Variants in DOK5 observed in about 807,000 individuals in gnomAD.
DOK5 encodes the protein docking protein 5.
A neutral mutation model predicts 43.3 loss-of-function variants in DOK5; 27 were observed. The ratio of observed to expected loss-of-function variants is 0.62; its 90% CI spans 0.46 to 0.86. The LOEUF (loss-of-function observed/expected upper bound fraction) is 0.86, where lower values mean the gene tolerates loss of function less well. DOK5 is among the 40% of genes least tolerant of loss of function. The pLI is 0.00. For synonymous variants in DOK5, 146 were observed against 140.1 expected (o/e 1.04, Z -0.30); for missense variants, 373 against 392.9 (o/e 0.95, Z 0.43).
intron 1 of DOK5, among the ~76,000 whole-genome samples, chr20:54,497,342 T>C (rs1012301471): frequency 1.3e-5 from 2 of 152,370 alleles, no homozygotes; most frequent in East Asian, 1.9e-4. Context: ...CCATTTAAAA[T>C]GCCAATTTAA....
At chr20:54,517,798 C>T (rs553974522) in intron 1 of DOK5, among the ~76,000 whole-genome samples, 1 of 152,236 alleles carries the variant, frequency 6.6e-6, no homozygotes, top group Non-Finnish European at 1.5e-5. Context: ...ACAAAACAGA[C>T]CCCCAGGTAG....
At chr20:54,518,374 G>A (rs574714800) in intron 1 of DOK5, among the ~76,000 whole-genome samples, 81 of 151,902 alleles carry the variant, frequency 5.3e-4, no homozygotes, top group African/African-American at 1.9e-3. Flanking sequence ...AACATGTGGT[G>A]TTTGGTTTTT....
At chr20:54,603,323 G>A (rs1430970034) in intron 5 of DOK5, among the ~76,000 whole-genome samples, 1 of 152,188 alleles carries the variant, frequency 6.6e-6, no homozygotes, top group Non-Finnish European at 1.5e-5. Context: ...TACACACACG[G>A]GGCACTAGGA....
At chr20:54,610,004 T>G (rs150116788) in intron 5 of DOK5, among the ~76,000 whole-genome samples, 3 of 152,216 alleles carry the variant, frequency 2.0e-5, no homozygotes, top group Admixed American at 2.0e-4. Context: ...CAGTTTCTGA[T>G]GAGGAGCTAT....
intron 2 of DOK5, among the ~76,000 whole-genome samples, chr20:54,567,287 T>C (rs1457093593): frequency 1.3e-5 from 2 of 152,168 alleles, no homozygotes; most frequent in African/African-American, 4.8e-5. Context: ...TTCTTGTTTT[T>C]TTCTTAAGAA....
chr20:54,618,966 A>G (rs913485330), intron 6 of DOK5, among the ~76,000 whole-genome samples: 4 of 144,622 alleles, frequency 2.8e-5, no homozygotes, highest in African/African-American at 1.0e-4. Flanking sequence ...GCAGTGAGCT[A>G]TGATAGTGCT....
At chr20:54,617,675 C>T (rs1986857798) in intron 6 of DOK5, among the ~76,000 whole-genome samples, 1 of 152,194 alleles carries the variant, frequency 6.6e-6, no homozygotes, top group Admixed American at 6.5e-5. Flanking sequence ...AAAGGAAGGG[C>T]ACCACACAAG....
intron 1 of DOK5, among the ~76,000 whole-genome samples, chr20:54,504,556 C>T (rs988718706): frequency 2.6e-5 from 4 of 152,116 alleles, no homozygotes; most frequent in Non-Finnish European, 5.9e-5. Flanking sequence ...AGGTTCTGTG[C>T]CATTTGTTGC....
chr20:54,591,808 G>A lies in DOK5; in HGVS notation c.599+3G>A. The A allele has an allele frequency of 6.2e-7, 1 of 1,609,590 alleles. No individual in the cohort carries two copies. Among genetic ancestry groups the A allele is most frequent in the Non-Finnish European group, 8.5e-7 (1 of 1,178,546 alleles). ...TGGTTCACTTTTGAGGCAGGGAGGT[G>A]AGTTTAATGACTTTTAATGACTATT... On this transcript the variant is annotated splice_donor_region_variant and intron_variant, in intron 5 of 7. Transcript: ENST00000262593.
At chr20:54,622,340 C>T (rs1029742720) in intron 6 of DOK5, among the ~76,000 whole-genome samples, 2 of 152,186 alleles carry the variant, frequency 1.3e-5, no homozygotes, top group Non-Finnish European at 2.9e-5. Flanking sequence ...CTTAAATTTG[C>T]GATGGCTTTG....
At chr20:54,545,199 A>T (rs1186961806) in intron 1 of DOK5, among the ~76,000 whole-genome samples, 1 of 152,184 alleles carries the variant, frequency 6.6e-6, no homozygotes, top group African/African-American at 2.4e-5. Context: ...TTTTGCAAAG[A>T]TGGTTTCACT....
At chr20:54,567,315 G>A (rs1044699803) in intron 2 of DOK5, among the ~76,000 whole-genome samples, 2 of 152,026 alleles carry the variant, frequency 1.3e-5, no homozygotes, top group Non-Finnish European at 2.9e-5. Context: ...ATAGTTTTAA[G>A]TTTTACATTT....
Position 54,475,823 on chromosome 20 carries a change from C to T in DOK5, c.-124C>T, listed in dbSNP as rs957632921. The T allele has an allele frequency of 5.9e-6, 7 of 1,194,820 alleles. No individual in the cohort carries two copies. The highest frequency in any genetic ancestry group is 2.4e-5 in the East Asian group (1 of 40,904). The allele number at this position is 1,194,820 out of a possible 1,614,324, so 74.0% of individuals were successfully genotyped here. A position where few individuals can be genotyped will look rare whatever the true frequency, so the allele number is the denominator to read the frequency against. On this transcript the variant is annotated 5_prime_UTR_variant, in exon 1 of 8. Transcript: ENST00000262593. This position sits in a 1 kb window ranked among gnomAD's most constrained non-coding sequence, Gnocchi z 4.2. Reference sequence around the variant, plus strand: ...CTTCTAAAGCCTCGCCCAGCGCCGCCGAAGCAGCTTCACCTCTCCAACTTT... The same window carrying T: ...CTTCTAAAGCCTCGCCCAGCGCCGCTGAAGCAGCTTCACCTCTCCAACTTT...
chr20:54,614,138 C>T (rs760103103), intron 6 of DOK5, among the ~76,000 whole-genome samples: 27 of 151,982 alleles, frequency 1.8e-4, no homozygotes, highest in Non-Finnish European at 3.7e-4. Context: ...GCATCAATGA[C>T]TATCTGTTTA....
chr20:54,586,510 T>C (rs1228966520), intron 2 of DOK5, among the ~76,000 whole-genome samples: 2 of 152,184 alleles, frequency 1.3e-5, no homozygotes, highest in Admixed American at 1.3e-4. Flanking sequence ...TGTGAGGGGT[T>C]CTGTGTTTGA....
chr20:54,591,759 C>A lies in DOK5; in HGVS notation c.553C>A (p.Arg185=). ...KLISWPLSAL[R]RYGRDTTWFT... ...CATCTCTTGGCCGCTAAGCGCCCTG[C>A]GGCGGTATGGACGTGATACTACGTG... is the stretch of plus-strand genomic sequence containing the variant. The change falls in exon 5 of 8, where the codon CGG becomes AGG. Residue 185 remains arginine (R), a synonymous_variant. Coordinates refer to ENST00000262593, the MANE Select transcript of DOK5 (RefSeq NM_018431.5). The A allele has an allele frequency of 6.2e-7, 1 of 1,614,100 alleles. No homozygotes were observed. Among genetic ancestry groups the A allele is most frequent in the Non-Finnish European group, 8.5e-7 (1 of 1,180,012 alleles).
At chr20:54,644,309 C>T (rs1254389434) in intron 7 of DOK5, among the ~76,000 whole-genome samples, 1 of 151,806 alleles carries the variant, frequency 6.6e-6, no homozygotes, top group African/African-American at 2.4e-5. Flanking sequence ...TGGTGGCTCA[C>T]GCCTGTAATA....
intron 6 of DOK5, among the ~76,000 whole-genome samples, chr20:54,624,178 A>G (rs1461358981): frequency 1.3e-5 from 2 of 152,232 alleles, no homozygotes; most frequent in African/African-American, 4.8e-5. Context: ...AAGTGCAACA[A>G]GAAAACAATA....
intron 6 of DOK5, among the ~76,000 whole-genome samples, chr20:54,613,697 A>T (rs567064311): frequency 6.6e-6 from 1 of 152,282 alleles, no homozygotes; most frequent in African/African-American, 2.4e-5. Context: ...ATAGATTTTT[A>T]AAACTATGCA....
Sources: allele counts gnomAD v4.1 joint callset (sites outside exome capture counted in the v4.1 genomes callset), GRCh38; gene constraint gnomAD v4.1.1; non-coding constraint Gnocchi (gnomAD v3.1); transcripts MANE v1.5; gene names NCBI Gene and HGNC (gene_info 2026-07-23, HGNC 2026-07-21).